DLG1: variants seen among roughly 807,000 people sequenced by gnomAD.
DLG1 encodes discs large MAGUK scaffold protein 1.
A neutral mutation model predicts 123.4 loss-of-function variants in DLG1; 42 were observed. The ratio of observed to expected loss-of-function variants is 0.34; its 90% CI spans 0.27 to 0.44. The LOEUF (loss-of-function observed/expected upper bound fraction) is 0.44. DLG1 is among the 20% of genes least tolerant of loss of function. The pLI, the probability that DLG1 is intolerant of heterozygous loss-of-function variation, is 1.00. For missense variants in DLG1, 942 were observed against 1,082.6 expected (o/e 0.87, Z 1.82); for synonymous variants, 317 against 356.2 (o/e 0.89, Z 1.24).
At chr3:197,145,555 A>C (rs1023434210) in intron 6 of DLG1, among the ~76,000 whole-genome samples, 2 of 152,200 alleles carry the variant, frequency 1.3e-5, no homozygotes, top group Admixed American at 6.5e-5. Flanking sequence ...ATAATCTAAA[A>C]TTTTATTTTC....
chr3:197,102,366 T>C (rs564138647), intron 14 of DLG1, among the ~76,000 whole-genome samples: 139 of 152,302 alleles, frequency 9.1e-4, no homozygotes, highest in African/African-American at 2.9e-3. Flanking sequence ...TGTATATATA[T>C]AAGATTATCA....
chr3:197,291,622 C>T (rs1298268907), intron 3 of DLG1, among the ~76,000 whole-genome samples: 1 of 152,160 alleles, frequency 6.6e-6, no homozygotes, highest in Non-Finnish European at 1.5e-5. Flanking sequence ...ATACTCAGTT[C>T]TGAAAAACAA....
At chr3:197,124,253 A>G (rs1170807957) in intron 11 of DLG1, among the ~76,000 whole-genome samples, 1 of 152,034 alleles carries the variant, frequency 6.6e-6, no homozygotes, top group Non-Finnish European at 1.5e-5. Context: ...CTTTTTATAG[A>G]CTTTCCCCAT....
chr3:197,157,889 A>C (rs923747425), intron 5 of DLG1, among the ~76,000 whole-genome samples: 9 of 152,206 alleles, frequency 5.9e-5, no homozygotes, highest in Non-Finnish European at 2.9e-5. Context: ...TGCCATATAC[A>C]ATTATCAACC....
intron 4 of DLG1, among the ~76,000 whole-genome samples, chr3:197,281,885 A>G (rs1272742689): frequency 6.6e-6 from 1 of 152,184 alleles, no homozygotes; most frequent in Non-Finnish European, 1.5e-5. Flanking sequence ...GAAGCCATCT[A>G]ACTTCTTTAC....
At chr3:197,281,123 C>T (rs1350908285) in intron 4 of DLG1, among the ~76,000 whole-genome samples, 6 of 151,798 alleles carry the variant, frequency 4.0e-5, no homozygotes, top group African/African-American at 1.5e-4. Flanking sequence ...CTGCAACCTC[C>T]GCCTCCCAGG....
At chr3:197,264,228 G>GT in intron 4 of DLG1, among the ~76,000 whole-genome samples, 1 of 152,262 alleles carries the variant, frequency 6.6e-6, no homozygotes, top group African/African-American at 2.4e-5. Context: ...TCAAACATCA[G>GT]TTTTATACGG....
At chr3:197,048,250 C>T (rs141239778) in intron 24 of DLG1, among the ~76,000 whole-genome samples, 6 of 152,298 alleles carry the variant, frequency 3.9e-5, no homozygotes, top group African/African-American at 1.4e-4. Context: ...ACGGGCAGAT[C>T]ACTTGAGGCC....
rs138714149 is a variant in DLG1, at chr3:197,210,153, C to G, written c.319-15564G>C. ...GGTTCTGAACTATTAACAAACTTTA[C>G]AAGTACTTAAAAGGAAATCTGTAGC... On this transcript the variant is annotated intron_variant, in intron 4 of 24. Transcript: ENST00000667157. Among the ~76,000 whole-genome samples the G allele has an allele frequency of 4.2e-5, 6 of 143,788 alleles. 2 individuals are homozygous for G. The Admixed American group carries it at 4.2e-4, about 10-fold the overall frequency. The allele number at this position is 143,788 out of a possible 152,430, so 94.3% of individuals were successfully genotyped here.
chr3:197,167,923 T>A (rs1291829507), intron 5 of DLG1, among the ~76,000 whole-genome samples: 2 of 152,234 alleles, frequency 1.3e-5, no homozygotes, highest in Non-Finnish European at 2.9e-5. Context: ...ATGTAATATG[T>A]TTTCTTATTA....
At chr3:197,269,984 G>A (rs560310877) in intron 4 of DLG1, among the ~76,000 whole-genome samples, 22 of 152,154 alleles carry the variant, frequency 1.4e-4, no homozygotes, top group Admixed American at 1.3e-3. Flanking sequence ...CTTCTCACGC[G>A]ATATTTCTCA....
At chr3:197,097,580 C>CTTTTTTTTTTTTTT (rs3051908) in intron 14 of DLG1, among the ~76,000 whole-genome samples, 1 of 122,856 alleles carries the variant, frequency 8.1e-6, no homozygotes, top group Admixed American at 8.9e-5. Context: ...TTTGTACTTT[C>CTTTTTTTTTTTTTT]TTTTTTTTTT....
At chr3:197,187,826 G>C (rs529536190) in intron 5 of DLG1, among the ~76,000 whole-genome samples, 1 of 152,082 alleles carries the variant, frequency 6.6e-6, no homozygotes, top group Non-Finnish European at 1.5e-5. Context: ...TACCCACTGT[G>C]TCCTTCTCTT....
chr3:197,229,801 T>C (rs764646977), intron 4 of DLG1, among the ~76,000 whole-genome samples: 5 of 152,232 alleles, frequency 3.3e-5, no homozygotes, highest in Admixed American at 1.3e-4. Context: ...CCTTACTTAA[T>C]CCAAATATGA....
intron 4 of DLG1, among the ~76,000 whole-genome samples, chr3:197,208,341 A>T (rs1419860747): frequency 6.8e-6 from 1 of 146,566 alleles, no homozygotes; most frequent in African/African-American, 2.4e-5. Flanking sequence ...TAAAAGGACA[A>T]TTTCACAACT....
chr3:197,129,869 A>G (rs1487763197), intron 11 of DLG1, among the ~76,000 whole-genome samples: 1 of 152,200 alleles, frequency 6.6e-6, no homozygotes, highest in Non-Finnish European at 1.5e-5. Flanking sequence ...GCTGTCTTAT[A>G]TGAGTGTGGT....
intron 10 of DLG1, among the ~76,000 whole-genome samples, chr3:197,135,379 T>G (rs773548813): frequency 1.6e-4 from 24 of 152,108 alleles, no homozygotes; most frequent in Non-Finnish European, 2.9e-4. Context: ...TCTCATGAGA[T>G]GTGATTGTTT....
chr3:197,180,067 TG>T (rs60631930), intron 5 of DLG1, among the ~76,000 whole-genome samples: 5,606 of 87,714 alleles, frequency 0.064, 272 homozygotes, highest in East Asian at 0.18. Flanking sequence ...GTTTTTTTTT[TG>T]GGGGGGGGGG....
At chr3:197,135,065 G>C (rs897047946) in intron 10 of DLG1, among the ~76,000 whole-genome samples, 3 of 152,206 alleles carry the variant, frequency 2.0e-5, no homozygotes, top group African/African-American at 4.8e-5. Flanking sequence ...ATTACAGCCA[G>C]CTCAGACACA....
Sources: allele counts gnomAD v4.1 joint callset (sites outside exome capture counted in the v4.1 genomes callset), GRCh38; gene constraint gnomAD v4.1.1; transcripts MANE v1.5; gene names NCBI Gene and HGNC (gene_info 2026-07-23, HGNC 2026-07-21).